STK33: variants seen among roughly 807,000 people sequenced by gnomAD.
The protein encoded by STK33 is serine/threonine-protein kinase 33.
STK33 carries 52 observed loss-of-function variants against 58.0 expected under a neutral mutation model. That is an observed-to-expected ratio of 0.90 (90% CI 0.72 to 1.13). The LOEUF is 1.13. Among genes scored for constraint, STK33 ranks in the 50% most tolerant of loss-of-function variants. STK33 has a pLI of 0.00. For synonymous variants in STK33, 215 were observed against 200.1 expected (o/e 1.07, Z -0.63); for missense variants, 630 against 604.2 (o/e 1.04, Z -0.45).
At chr11:8,541,420 C>T (rs931872505) in intron 1 of STK33, among the ~76,000 whole-genome samples, 7 of 152,140 alleles carry the variant, frequency 4.6e-5, no homozygotes, top group East Asian at 1.9e-4. Context: ...ACCCAGACCA[C>T]GGTTTTATAC....
chr11:8,569,058 G>A (rs1957630157), intron 1 of STK33, among the ~76,000 whole-genome samples: 1 of 152,106 alleles, frequency 6.6e-6, no homozygotes, highest in South Asian at 2.1e-4. Context: ...TCCCCAAAAT[G>A]ACTTCTTAAA....
intron 14 of STK33, among the ~76,000 whole-genome samples, chr11:8,430,858 TTAACA>T (rs1173466323): frequency 1.4e-5 from 2 of 145,734 alleles, no homozygotes; most frequent in African/African-American, 5.0e-5. Flanking sequence ...GAGCTTTTCC[TTAACA>T]TAATTTTTTT....
At chr11:8,438,161 CT>C (rs917565723) in intron 12 of STK33, among the ~76,000 whole-genome samples, 4 of 151,950 alleles carry the variant, frequency 2.6e-5, no homozygotes, top group African/African-American at 9.7e-5. Context: ...AAAAAATTCA[CT>C]TTTTTTTCTG....
chr11:8,466,405 G>A (rs1292178344), intron 6 of STK33: 2 of 152,170 alleles, frequency 1.3e-5, no homozygotes, highest in Non-Finnish European at 2.9e-5. Context: ...AAACAAAAAG[G>A]CTACAGGCCC....
intron 1 of STK33, chr11:8,581,082 C>G (rs2030122170): frequency 6.6e-6 from 1 of 152,196 alleles, no homozygotes; most frequent in Non-Finnish European, 1.5e-5. Flanking sequence ...GTATCTGCCT[C>G]TTCATTCATC....
At chr11:8,589,525 A>G (rs781547412) in intron 1 of STK33, among the ~76,000 whole-genome samples, 1 of 152,190 alleles carries the variant, frequency 6.6e-6, no homozygotes, top group Admixed American at 6.5e-5. Flanking sequence ...CATGACTGCT[A>G]TTGGATGTGA....
the STK33 span, among the ~76,000 whole-genome samples, chr11:8,374,380 C>T: frequency 6.6e-6 from 1 of 152,184 alleles, no homozygotes; most frequent in Non-Finnish European, 1.5e-5. Context: ...TACCACAAAC[C>T]GTGTGGCTCA....
intron 1 of STK33, among the ~76,000 whole-genome samples, chr11:8,583,843 A>G (rs1253431498): frequency 1.3e-5 from 2 of 152,244 alleles, no homozygotes; most frequent in African/African-American, 4.8e-5. Context: ...TAAGAATGAA[A>G]CATTTGAGAC....
chr11:8,518,300 T>C (rs1016832335), intron 1 of STK33, among the ~76,000 whole-genome samples: 2 of 152,188 alleles, frequency 1.3e-5, no homozygotes, highest in African/African-American at 2.4e-5. Context: ...CTGAGAGATT[T>C]TGTCACCACC....
At chr11:8,522,939 G>A (rs1184652216) in intron 1 of STK33, among the ~76,000 whole-genome samples, 6 of 152,150 alleles carry the variant, frequency 3.9e-5, no homozygotes, top group Admixed American at 1.3e-4. Flanking sequence ...TTGCAGGCGC[G>A]CGCCACCACG....
At chr11:8,363,916 A>C in the STK33 span, among the ~76,000 whole-genome samples, 1 of 152,346 alleles carries the variant, frequency 6.6e-6, no homozygotes, top group African/African-American at 2.4e-5. Flanking sequence ...AAAGCTTATG[A>C]AGAGCAGATT....
chr11:8,396,260 C>CA (rs1849322828), intron 15 of STK33, among the ~76,000 whole-genome samples: 1 of 152,222 alleles, frequency 6.6e-6, no homozygotes, highest in African/African-American at 2.4e-5. Context: ...CACACCACCA[C>CA]ACCCAGCTAA....
intron 1 of STK33, among the ~76,000 whole-genome samples, chr11:8,530,653 A>C (rs1401938221): frequency 6.6e-6 from 1 of 152,122 alleles, no homozygotes; most frequent in Admixed American, 6.6e-5. Flanking sequence ...ACTTAAAGGA[A>C]ACCTTATAGC....
At chr11:8,379,829 T>C in the STK33 span, among the ~76,000 whole-genome samples, 1 of 151,924 alleles carries the variant, frequency 6.6e-6, no homozygotes, top group Non-Finnish European at 1.5e-5. Context: ...CTTTGTGCTA[T>C]CCATAAGTCC....
downstream of STK33, among the ~76,000 whole-genome samples, chr11:8,388,596 G>C (rs1175232023): frequency 2.0e-5 from 3 of 152,184 alleles, no homozygotes; most frequent in Admixed American, 2.0e-4. Flanking sequence ...AGTGCTTGTA[G>C]AGATGAAGCG....
At chr11:8,523,499 C>G (rs899146620) in intron 1 of STK33, among the ~76,000 whole-genome samples, 2 of 142,816 alleles carry the variant, frequency 1.4e-5, no homozygotes, top group Admixed American at 7.0e-5. Context: ...GTCTGAGAAG[C>G]GAGGAGCCCC....
chr11:8,464,896 C>T, intron 6 of STK33, 74 bp from the exon 7 acceptor site: 1 of 889,808 alleles, frequency 1.1e-6, no homozygotes, highest in Non-Finnish European at 1.8e-6. Context: ...ATAATACTGA[C>T]AGATACTCAC....
At chr11:8,472,937 T>C (rs1327569113) in intron 6 of STK33, among the ~76,000 whole-genome samples, 1 of 152,224 alleles carries the variant, frequency 6.6e-6, no homozygotes, top group Non-Finnish European at 1.5e-5. Context: ...TTTTAGCTAA[T>C]GAAAATGTTC....
At chr11:8,344,009 T>A in the STK33 span, among the ~76,000 whole-genome samples, 11 of 152,130 alleles carry the variant, frequency 7.2e-5, no homozygotes, top group African/African-American at 2.7e-4. Context: ...CTTCCAGCAG[T>A]CCGCTCTGGT....
Sources: allele counts gnomAD v4.1 joint callset (sites outside exome capture counted in the v4.1 genomes callset), GRCh38; gene constraint gnomAD v4.1.1; transcripts MANE v1.5; gene names NCBI Gene and HGNC (gene_info 2026-07-23, HGNC 2026-07-21).